CADM2: variants seen among roughly 807,000 people sequenced by gnomAD.
CADM2 encodes immunoglobulin superfamily member 4D.
CADM2 carries 12 observed loss-of-function variants against 49.8 expected under a neutral mutation model. That is an observed-to-expected ratio of 0.24 (90% CI 0.15 to 0.39). CADM2 has a LOEUF of 0.39. CADM2 is among the 10% of genes least tolerant of loss of function. The pLI is 1.00. For synonymous variants in CADM2, 214 were observed against 175.4 expected (o/e 1.22, Z -1.74); for missense variants, 378 against 492.3 (o/e 0.77, Z 2.20).
intron 1 of CADM2, among the ~76,000 whole-genome samples, chr3:85,266,868 AC>A (rs2043131836): frequency 6.6e-6 from 1 of 151,808 alleles, no homozygotes; most frequent in South Asian, 2.1e-4. Context: ...AAGCATGAAA[AC>A]ATCCATTTAA....
At chr3:85,823,079 C>T (rs2073691852) in intron 3 of CADM2, among the ~76,000 whole-genome samples, 1 of 152,064 alleles carries the variant, frequency 6.6e-6, no homozygotes, top group South Asian at 2.1e-4. Context: ...ATATTTAAAA[C>T]TTTGGAATGG....
chr3:85,385,789 T>C (rs2034191113), intron 1 of CADM2: 1 of 79,158 alleles, frequency 1.3e-5, no homozygotes, highest in African/African-American at 4.0e-5. Context: ...CAGCAAAGTG[T>C]TTCTCTCTCT....
intron 1 of CADM2, among the ~76,000 whole-genome samples, chr3:85,294,015 G>C (rs2043880140): frequency 1.3e-5 from 2 of 151,906 alleles, no homozygotes; most frequent in African/African-American, 4.9e-5. Flanking sequence ...GTTTGCAGAC[G>C]ACATGATTGT....
intron 1 of CADM2, among the ~76,000 whole-genome samples, chr3:85,322,936 T>A (rs982075654): frequency 6.6e-6 from 1 of 152,198 alleles, no homozygotes; most frequent in Non-Finnish European, 1.5e-5. Flanking sequence ...CAAATAAAAC[T>A]GAATATTGGT....
intron 1 of CADM2, among the ~76,000 whole-genome samples, chr3:85,213,187 G>A (rs2041842122): frequency 6.6e-6 from 1 of 151,824 alleles, no homozygotes; most frequent in South Asian, 2.1e-4. Context: ...CTGGACTTCA[G>A]GTATTTTCTT....
rs145911174 is a variant in CADM2, at chr3:85,561,938, A to G, written c.62-164584A>G. Among the ~76,000 whole-genome samples, 5 of 152,294 alleles carry G rather than the reference A, an allele frequency of 3.3e-5. No homozygotes were observed. The East Asian group carries it at 7.7e-4, about 24-fold the overall frequency. ...AAACAGAAAATAAGCAAGAAAGAAT[A>G]AAACTATTTGGTAAGGAGATGAAAA... On this transcript the variant is annotated intron_variant, in intron 1 of 9. Coordinates refer to ENST00000383699, the MANE Select transcript of CADM2 (RefSeq NM_001167675.2).
In CADM2 at chr3:86,068,553, A is replaced by G. The variant is rs949763245; in HGVS notation, c.*1770A>G. 6.6e-6 allele frequency: 1 copy of G among 151,956 alleles called. No homozygotes were observed. Among genetic ancestry groups the G allele is most frequent in the African/African-American group, 2.4e-5 (1 of 41,442 alleles). 9.4% of individuals were successfully genotyped at this position (151,956 alleles called of 1,614,324 possible). ...TGGTTGAGTGCAACATCATGTATTA[A>G]TATCAAATGAAAGACAAGGGTGCTG... On this transcript the variant is annotated 3_prime_UTR_variant, in exon 10 of 10. Transcript: ENST00000383699.
intron 1 of CADM2, among the ~76,000 whole-genome samples, chr3:85,618,706 A>G (rs1430425106): frequency 3.9e-5 from 6 of 152,072 alleles, no homozygotes; most frequent in Non-Finnish European, 1.5e-5. Flanking sequence ...GTACACAGAT[A>G]TACTATTAAT....
Position 85,769,369 on chromosome 3 carries a change from T to C in CADM2, c.89-32678T>C, listed in dbSNP as rs186778543. Among the ~76,000 whole-genome samples the C allele has an allele frequency of 8.9e-4, 101 of 113,432 alleles. 1 individual carries two copies. Among genetic ancestry groups the C allele is most frequent in the Non-Finnish European group, 1.2e-3 (72 of 61,558 alleles). The allele number at this position is 113,432 out of a possible 152,430, so 74.4% of individuals were successfully genotyped here. A position where few individuals can be genotyped will look rare whatever the true frequency, so the allele number is the denominator to read the frequency against. The stretch of plus-strand genomic sequence containing the variant: ...CATATATACATATATAGTATATATA[T>C]ACACGTATATACATATATACATATA... On this transcript the variant is annotated intron_variant, in intron 2 of 9. Transcript: ENST00000383699.
chr3:85,971,614 T>C (rs1726151875), intron 8 of CADM2, among the ~76,000 whole-genome samples: 1 of 151,720 alleles, frequency 6.6e-6, no homozygotes, highest in Non-Finnish European at 1.5e-5. Flanking sequence ...GACCAAATCA[T>C]GTGATTTACT....
chr3:85,564,242 CTATT>C (rs781670031), intron 1 of CADM2, among the ~76,000 whole-genome samples: 4 of 151,664 alleles, frequency 2.6e-5, no homozygotes, highest in Non-Finnish European at 5.9e-5. Context: ...ATAAAATTTG[CTATT>C]TAAACTATTT....
chr3:85,227,673 T>A (rs2042193170), intron 1 of CADM2, among the ~76,000 whole-genome samples: 1 of 152,140 alleles, frequency 6.6e-6, no homozygotes, highest in African/African-American at 2.4e-5. Context: ...TTTGATCCTG[T>A]CATTATGATA....
chr3:85,648,464 G>A (rs9810211), intron 1 of CADM2, among the ~76,000 whole-genome samples: 58,178 of 151,746 alleles, frequency 0.38, 12,248 homozygotes, highest in East Asian at 0.54. Flanking sequence ...CAAAGGAAAT[G>A]AGAAATAATA....
intron 1 of CADM2, among the ~76,000 whole-genome samples, chr3:85,380,549 G>A (rs557700526): frequency 5.3e-5 from 8 of 151,946 alleles, no homozygotes; most frequent in African/African-American, 1.7e-4. Flanking sequence ...TAAATACAAT[G>A]ATATACTTGA....
At chr3:85,405,644 TTCC>T (rs1203603326) in intron 1 of CADM2, among the ~76,000 whole-genome samples, 2 of 152,116 alleles carry the variant, frequency 1.3e-5, no homozygotes, top group African/African-American at 4.8e-5. Context: ...GAAAGTAGCG[TTCC>T]TATAGAAATT....
At chr3:85,421,613 C>A (rs960392573) in intron 1 of CADM2, among the ~76,000 whole-genome samples, 1 of 152,178 alleles carries the variant, frequency 6.6e-6, no homozygotes, top group Non-Finnish European at 1.5e-5. Context: ...GGTCCTGAAT[C>A]TTTTCCTTTT....
chr3:85,920,297 A>T (rs1718933522), intron 6 of CADM2, among the ~76,000 whole-genome samples: 1 of 151,880 alleles, frequency 6.6e-6, no homozygotes, highest in African/African-American at 2.4e-5. Flanking sequence ...CACAGAATAT[A>T]AAAGGAAATA....
intron 1 of CADM2, among the ~76,000 whole-genome samples, chr3:85,186,215 G>A (rs1180361506): frequency 6.6e-6 from 1 of 152,060 alleles, no homozygotes; most frequent in East Asian, 1.9e-4. Flanking sequence ...GCCTTTCAGG[G>A]TGGGAAATGA....
At chr3:86,002,506 A>G (rs1227484674) in intron 8 of CADM2, among the ~76,000 whole-genome samples, 1 of 152,184 alleles carries the variant, frequency 6.6e-6, no homozygotes, top group Admixed American at 6.5e-5. Context: ...CAGTTGTGAA[A>G]GGCCTCATTC....
Sources: gnomAD v4.1 joint callset for allele counts (sites outside exome capture counted in the v4.1 genomes callset) on GRCh38, gnomAD v4.1.1 for gene constraint, MANE v1.5 for transcripts, NCBI Gene and HGNC (gene_info 2026-07-23, HGNC 2026-07-21) for gene names.